The following PPP1CB variants were observed in gnomAD, a reference collection of about 807,000 sequenced individuals.
PPP1CB encodes the protein serine/threonine-protein phosphatase PP1-beta catalytic subunit.
Under a neutral mutation model 43.7 loss-of-function variants are expected in PPP1CB, and 2 were observed. The ratio of observed to expected loss-of-function variants is 0.05; its 90% CI spans 0.02 to 0.14. The LOEUF is 0.14. PPP1CB is among the 10% of genes least tolerant of loss of function. The pLI, the probability that PPP1CB is intolerant of heterozygous loss-of-function variation, is 1.00. For synonymous variants in PPP1CB, 136 were observed against 135.6 expected (o/e 1.00, Z -0.02); for missense variants, 84 against 398.0 (o/e 0.21, Z 6.71).
At chr2:28,793,769 G>T in intron 6 of PPP1CB, 94 bp from the exon 7 acceptor site, 1 of 1,383,964 alleles carries the variant, frequency 7.2e-7, no homozygotes, top group Non-Finnish European at 9.9e-7. Flanking sequence ...GGGTGAGGTG[G>T]GGCACAGTCT....
rs966430689 is a variant in PPP1CB at position 28,801,789 on chromosome 2, A to G, written c.*2486A>G. The G allele has an allele frequency of 6.6e-6, 1 of 152,218 alleles. No homozygotes were observed. Among genetic ancestry groups the G allele is most frequent in the Non-Finnish European group, 1.5e-5 (1 of 68,024 alleles). The allele number at this position is 152,218 out of a possible 1,614,324, so 9.4% of individuals were successfully genotyped here. On this transcript the variant is annotated 3_prime_UTR_variant, in exon 8 of 8. Coordinates refer to ENST00000395366, the MANE Select transcript of PPP1CB (RefSeq NM_002709.3). ...TCATGAAACACAGTAGATATCTGTT[A>G]TAATGTGGTGTATCACATGGATTAT... is the stretch of plus-strand genomic sequence containing the variant.
At chr2:28,772,610 A>G (rs1666938009) in intron 1 of PPP1CB, among the ~76,000 whole-genome samples, 1 of 152,216 alleles carries the variant, frequency 6.6e-6, no homozygotes, top group Non-Finnish European at 1.5e-5. Flanking sequence ...AACTGGAAAT[A>G]ATCCAAATAG....
In PPP1CB at chr2:28,752,601, G is replaced by T. The variant is rs955844083; in HGVS notation, c.52+425G>T. 3.3e-5 allele frequency among the ~76,000 whole-genome samples: 5 copies of T among 152,160 alleles called. No homozygotes were observed. In the South Asian group the frequency reaches 1.0e-3, roughly 31 times the overall value. On this transcript the variant is annotated intron_variant, in intron 1 of 7. Coordinates refer to ENST00000395366, the MANE Select transcript of PPP1CB (RefSeq NM_002709.3). Reference sequence around the variant, plus strand: ...TTCTTCTCTGTTCTCTTTGTGCATTGCCCTTGGCTGCCTCCGATTGTCGTT... The same window carrying T: ...TTCTTCTCTGTTCTCTTTGTGCATTTCCCTTGGCTGCCTCCGATTGTCGTT...
At chr2:28,759,382 G>A (rs1318539162) in intron 1 of PPP1CB, among the ~76,000 whole-genome samples, 1 of 151,900 alleles carries the variant, frequency 6.6e-6, no homozygotes, top group Non-Finnish European at 1.5e-5. Flanking sequence ...TGGGCTTGGT[G>A]GCATGCATAT....
chr2:28,787,062 A>G (rs1345269479), intron 5 of PPP1CB, among the ~76,000 whole-genome samples: 1 of 152,196 alleles, frequency 6.6e-6, no homozygotes, highest in Admixed American at 6.5e-5. Flanking sequence ...CTCTATCAAG[A>G]TATGATGTAC....
chr2:28,780,084 C>CTTTTTTTTTTTTTTTTT (rs10559224), intron 3 of PPP1CB, among the ~76,000 whole-genome samples: 1 of 131,796 alleles, frequency 7.6e-6, no homozygotes, highest in African/African-American at 2.7e-5. Context: ...TCTTTTCTTT[C>CTTTTTTTTTTTTTTTTT]TTTTTTTTTT....
chr2:28,755,746 G>C (rs540762146), intron 1 of PPP1CB, among the ~76,000 whole-genome samples: 3 of 152,288 alleles, frequency 2.0e-5, no homozygotes, highest in Non-Finnish European at 4.4e-5. Context: ...AGAATCTAAT[G>C]CATTTGGGAG....
rs141754623 is a variant in PPP1CB, at chr2:28,773,802, T to C, written c.53-3049T>C. ...ATTTATTTCTAATTTCTAAAACTCT[T>C]GTCAGAGTTTTAAACATTGGGAAAA... On this transcript the variant is annotated intron_variant, in intron 1 of 7. Transcript: ENST00000395366. Among the ~76,000 whole-genome samples the C allele has an allele frequency of 5.9e-5, 9 of 152,358 alleles. No homozygotes were observed. The East Asian group carries it at 1.7e-3, about 29-fold the overall frequency.
Position 28,802,362 on chromosome 2 carries a change from C to T in PPP1CB, c.*3059C>T, listed in dbSNP as rs1264955878. 1.3e-5 allele frequency: 2 copies of T among 152,076 alleles called. No homozygotes were observed. Among genetic ancestry groups the T allele is most frequent in the Non-Finnish European group, 2.9e-5 (2 of 68,016 alleles). The allele number at this position is 152,076 out of a possible 1,614,324, so 9.4% of individuals were successfully genotyped here. On this transcript the variant is annotated 3_prime_UTR_variant, in exon 8 of 8. Transcript: ENST00000395366. ...AATGTGTTTAGATTAGGAATATGGTCGGGCTGAATTTGCTGTTGCTCCCTA... is the reference window on the plus strand; with the variant it reads ...AATGTGTTTAGATTAGGAATATGGTTGGGCTGAATTTGCTGTTGCTCCCTA...
intron 3 of PPP1CB, among the ~76,000 whole-genome samples, chr2:28,779,796 G>T (rs546026863): frequency 6.6e-6 from 1 of 151,970 alleles, no homozygotes; most frequent in Non-Finnish European, 1.5e-5. Flanking sequence ...ATATCTCCTT[G>T]ATTTATATAA....
chr2:28,772,117 G>A (rs976492396), intron 1 of PPP1CB, among the ~76,000 whole-genome samples: 1 of 152,154 alleles, frequency 6.6e-6, no homozygotes, highest in Admixed American at 6.6e-5. Flanking sequence ...AGGAGTTCGA[G>A]ATGAGCCTGA....
In PPP1CB at chr2:28,781,725, G is replaced by T; in HGVS notation, c.416-13G>T. 6.4e-7 allele frequency: 1 copy of T among 1,561,434 alleles called. No individual in the cohort carries two copies. Among genetic ancestry groups the T allele is most frequent in the Middle Eastern group, 1.7e-4 (1 of 5,896 alleles). On this transcript the variant is annotated splice_polypyrimidine_tract_variant and intron_variant, in intron 3 of 7. Transcript: ENST00000395366. ...TTAGATTTTTTAATTTATTCTATCT[G>T]TTCTTTTTACAGGCAAACGAAGATT... is the stretch of plus-strand genomic sequence containing the variant.
rs1667614276 is a variant in PPP1CB, at chr2:28,801,452, CTA to C, written c.*2150_*2151del. ...GAATCCTTTTTTTTTTTTTTAAAGA[CTA>C]AATGTGAAAAAATAATCACTACTTA... On this transcript the variant is annotated 3_prime_UTR_variant, in exon 8 of 8. Transcript: ENST00000395366. The C allele has an allele frequency of 6.8e-6, 1 of 147,708 alleles. No individual in the cohort carries two copies. The highest frequency in any genetic ancestry group is 2.5e-5 in the African/African-American group (1 of 39,946). The allele number at this position is 147,708 out of a possible 1,614,324, so 9.1% of individuals were successfully genotyped here. A position where few individuals can be genotyped will look rare whatever the true frequency, so the allele number is the denominator to read the frequency against.
chr2:28,754,495 G>A (rs1037017056), intron 1 of PPP1CB, among the ~76,000 whole-genome samples: 1 of 152,100 alleles, frequency 6.6e-6, no homozygotes, highest in African/African-American at 2.4e-5. Context: ...CTAAACAAGT[G>A]TCTTTCAGGC....
intron 5 of PPP1CB, among the ~76,000 whole-genome samples, chr2:28,787,710 C>G (rs144115861): frequency 5.7e-4 from 87 of 152,268 alleles, no homozygotes; most frequent in African/African-American, 2.0e-3. Context: ...TTTCGGGATA[C>G]GTTTACTATA....
At chr2:28,793,282 CAACTT>C (rs1178770178) in intron 6 of PPP1CB, among the ~76,000 whole-genome samples, 1 of 152,124 alleles carries the variant, frequency 6.6e-6, no homozygotes, top group Non-Finnish European at 1.5e-5. Context: ...AAATTAAACT[CAACTT>C]AGTAATGTTT....
rs1027627963 is a variant in PPP1CB at position 28,799,462 on chromosome 2, G to C, written c.*159G>C. The stretch of plus-strand genomic sequence containing the variant: ...AAGGATCTTAAATTTTTTTCTAATA[G>C]AAAGATGTGCTACACTGTATTGTAA... On this transcript the variant is annotated 3_prime_UTR_variant, in exon 8 of 8. Coordinates refer to ENST00000395366, the MANE Select transcript of PPP1CB (RefSeq NM_002709.3). 2 of 564,754 alleles carry C rather than the reference G, an allele frequency of 3.5e-6. No individual in the cohort carries two copies. The highest frequency in any genetic ancestry group is 6.3e-6 in the Non-Finnish European group (2 of 318,004). 35.0% of individuals were successfully genotyped at this position (564,754 alleles called of 1,614,324 possible).
At chr2:28,792,203 G>T (rs1021917920) in intron 6 of PPP1CB, among the ~76,000 whole-genome samples, 1 of 152,034 alleles carries the variant, frequency 6.6e-6, no homozygotes, top group African/African-American at 2.4e-5. Flanking sequence ...AGCTGGGCAC[G>T]GTGGCACATG....
chr2:28,781,999 T>C (rs913593316), intron 4 of PPP1CB, 157 bp downstream of exon 4: 11 of 659,216 alleles, frequency 1.7e-5, no homozygotes, highest in Non-Finnish European at 2.7e-5. Context: ...TTTTAAAAAT[T>C]AGAAATTTAT....
Sources: gnomAD v4.1 joint callset for allele counts (sites outside exome capture counted in the v4.1 genomes callset) on GRCh38, gnomAD v4.1.1 for gene constraint, MANE v1.5 for transcripts, NCBI Gene and HGNC (gene_info 2026-07-23, HGNC 2026-07-21) for gene names.